The following PIEZO2 variants were observed in gnomAD, a reference collection of about 807,000 sequenced individuals.
PIEZO2 encodes piezo type mechanosensitive ion channel component 2, also known as piezo-type mechanosensitive ion channel component 2.
A neutral mutation model predicts 337.3 loss-of-function variants in PIEZO2; 172 were observed. The ratio of observed to expected loss-of-function variants is 0.51; its 90% CI spans 0.45 to 0.58. The LOEUF is 0.58. Ranked by LOEUF, PIEZO2 falls within the 20% of genes least tolerant of loss-of-function variation. PIEZO2 has a pLI of 0.00. For synonymous variants in PIEZO2, 1,251 were observed against 1,228.5 expected, an observed-to-expected ratio of 1.02 and a Z score of -0.38; for missense variants, 3,028 against 3,391.3, an observed-to-expected ratio of 0.89 and a Z score of 2.66.
In PIEZO2 at chr18:11,067,141, A is replaced by G. The variant is rs566887401; in HGVS notation, c.65-919T>C. On this transcript the variant is annotated intron_variant, in intron 1 of 55. Transcript: ENST00000674853. The stretch of plus-strand genomic sequence containing the variant: ...TGAAGTACAAAACAATCAGAAAATA[A>G]CAAACAAAATGACAGCAGTAAGTCC... Among the ~76,000 whole-genome samples the G allele has an allele frequency of 4.3e-3, 653 of 152,274 alleles. 3 individuals are homozygous for G. Among genetic ancestry groups the G allele is most frequent in the Non-Finnish European group, 6.0e-3 (407 of 68,018 alleles).
At position 10,699,240 on chromosome 18, in the gene PIEZO2, T is replaced by C. The variant is rs1055652509; in HGVS notation, c.6442-63A>G. The C allele has an allele frequency of 2.0e-6, 3 of 1,517,460 alleles. No homozygotes were observed. The African/African-American group carries it at 4.2e-5, about 21-fold the overall frequency. 94.0% of individuals were successfully genotyped at this position (1,517,460 alleles called of 1,614,324 possible). On this transcript the variant is annotated intron_variant, in intron 43 of 55. Coordinates refer to ENST00000674853, the MANE Select transcript of PIEZO2 (RefSeq NM_001378183.1). ...TTCAGGTGGAACCCTTGGTATTCTG[T>C]CTTACAAAATCTCATCCAACAAACT...
In PIEZO2 at chr18:10,750,199, AAG is replaced by A. The variant is rs1421012957; in HGVS notation, c.4168-14_4168-13del. Reference sequence around the variant, plus strand: ...CCACATGCTCCTATCTGAAAAACAAAAGAGGGGGATAATCCTGAAGCTCTGCA... The same window carrying A: ...CCACATGCTCCTATCTGAAAAACAAAAGGGGGATAATCCTGAAGCTCTGCA... On this transcript the variant is annotated splice_polypyrimidine_tract_variant and intron_variant, in intron 28 of 55. Transcript: ENST00000674853. The surrounding 1 kb of genome is among the most constrained non-coding windows in gnomAD (Gnocchi z 4.1). 6.6e-7 allele frequency: 1 copy of A among 1,523,986 alleles called. No individual in the cohort carries two copies. The highest frequency in any genetic ancestry group is 8.8e-7 in the Non-Finnish European group (1 of 1,135,028). The allele number at this position is 1,523,986 out of a possible 1,614,324, so 94.4% of individuals were successfully genotyped here.
chr18:10,762,217 C>T (rs1396689572), intron 23 of PIEZO2, among the ~76,000 whole-genome samples: 1 of 152,112 alleles, frequency 6.6e-6, no homozygotes, highest in African/African-American at 2.4e-5. Context: ...TCTAATGCAC[C>T]CATCGACCTT....
At position 10,714,902 on chromosome 18, in the gene PIEZO2, T is replaced by C; in HGVS notation, c.5285A>G (p.His1762Arg). 6.5e-7 allele frequency: 1 copy of C among 1,537,252 alleles called. No homozygotes were observed. Among genetic ancestry groups the C allele is most frequent in the Non-Finnish European group, 8.7e-7 (1 of 1,146,908 alleles). The change falls in exon 39 of 56, where the codon CAC (histidine) becomes CGC (arginine). Residue 1762 changes from histidine to arginine, a missense_variant. Coordinates refer to ENST00000674853, the MANE Select transcript of PIEZO2 (RefSeq NM_001378183.1). ...CATGATGTGGTTCTGATAGTACATG[T>C]GGATGCTCTCCCGAGTTGGAACATT... ...KGNVPTRESIHMYYQNHIMNL... is the reference protein window; with the variant it reads ...KGNVPTRESIRMYYQNHIMNL...
At chr18:10,905,378 G>A (rs971482396) in intron 4 of PIEZO2, among the ~76,000 whole-genome samples, 2 of 152,082 alleles carry the variant, frequency 1.3e-5, no homozygotes, top group South Asian at 2.1e-4. Context: ...GAGGTCCGGA[G>A]TTTGAGACCA....
At chr18:10,740,905 G>A (rs769393618) in intron 33 of PIEZO2, 126 bp downstream of exon 33, 11 of 1,003,220 alleles carry the variant, frequency 1.1e-5, no homozygotes, top group Admixed American at 6.0e-5. Context: ...CCTACACTCC[G>A]ACCCCCTATC....
At position 11,133,946 on chromosome 18, in the gene PIEZO2, G is replaced by A. The variant is rs9950127; in HGVS notation, c.64+14579C>T. Among the ~76,000 whole-genome samples, 365 of 152,076 alleles carry A rather than the reference G, an allele frequency of 2.4e-3. 2 individuals carry two copies. Among genetic ancestry groups the A allele is most frequent in the African/African-American group, 8.2e-3 (340 of 41,470 alleles). Reference sequence around the variant, plus strand: ...AAGAGAACCTTGACTAATACACTGAGTAACAAAAATAATTCCAGTGTGGTT... The same window carrying A: ...AAGAGAACCTTGACTAATACACTGAATAACAAAAATAATTCCAGTGTGGTT... On this transcript the variant is annotated intron_variant, in intron 1 of 55. Transcript: ENST00000674853.
intron 1 of PIEZO2, among the ~76,000 whole-genome samples, chr18:11,095,023 A>G (rs2039223297): frequency 6.6e-6 from 1 of 152,236 alleles, no homozygotes; most frequent in Non-Finnish European, 1.5e-5. Context: ...AGCCTGCTGC[A>G]GCCCTGTACA....
rs1470854979 is a variant in PIEZO2 at position 10,724,122 on chromosome 18, A to G, written c.5030-5863T>C. Among the ~76,000 whole-genome samples the G allele has an allele frequency of 6.6e-6, 1 of 152,186 alleles. No homozygotes were observed. The highest frequency in any genetic ancestry group is 6.5e-5 in the Admixed American group (1 of 15,286). On this transcript the variant is annotated intron_variant, in intron 36 of 55. Transcript: ENST00000674853. The surrounding 1 kb of genome is among the most constrained non-coding windows in gnomAD (Gnocchi z 5.8). ...GCTGAGCACAGAGATTAGAATCATG[A>G]ATAAGGGGCTCAGTCCTTGCCTTCA...
In PIEZO2 at chr18:11,078,184, A is replaced by G. The variant is rs1170972474; in HGVS notation, c.65-11962T>C. On this transcript the variant is annotated intron_variant, in intron 1 of 55. Transcript: ENST00000674853. The surrounding 1 kb of genome is among the most constrained non-coding windows in gnomAD (Gnocchi z 5.3). ...ATACACACACCACACACACATACAC[A>G]CACACACTTGTATGGGCTTTATGTA... Among the ~76,000 whole-genome samples the G allele has an allele frequency of 6.6e-6, 1 of 152,006 alleles. No individual in the cohort carries two copies. Among genetic ancestry groups the G allele is most frequent in the East Asian group, 1.9e-4 (1 of 5,200 alleles).
At chr18:11,118,135 A>G (rs1439248031) in intron 1 of PIEZO2, among the ~76,000 whole-genome samples, 2 of 152,118 alleles carry the variant, frequency 1.3e-5, no homozygotes, top group South Asian at 2.1e-4. Context: ...TGTTCATTCT[A>G]CTTGTGTAAA....
At position 10,872,058 on chromosome 18, in the gene PIEZO2, C is replaced by T. The variant is rs987528022; in HGVS notation, c.330-643G>A. ...GTTCTGCTGTGCTGAGGAAGTAATA[C>T]TATTTGCCTTCCTTATTTTGTTCAA... On this transcript the variant is annotated intron_variant, in intron 4 of 55. Transcript: ENST00000674853. The surrounding 1 kb of genome is among the most constrained non-coding windows in gnomAD (Gnocchi z 4.3). 1.7e-4 allele frequency among the ~76,000 whole-genome samples: 26 copies of T among 152,170 alleles called. No homozygotes were observed. Among genetic ancestry groups the T allele is most frequent in the Admixed American group, 1.3e-4 (2 of 15,276 alleles).
At chr18:10,797,068 C>G (rs2039628664) in intron 12 of PIEZO2, among the ~76,000 whole-genome samples, 1 of 145,578 alleles carries the variant, frequency 6.9e-6, no homozygotes, top group Non-Finnish European at 1.5e-5. Flanking sequence ...CATGTCATAT[C>G]ATACATACCA....
Position 11,109,987 on chromosome 18 carries a change from C to T in PIEZO2, c.64+38538G>A, listed in dbSNP as rs1296277394. Among the ~76,000 whole-genome samples, 2 of 152,076 alleles carry T rather than the reference C, an allele frequency of 1.3e-5. No individual in the cohort carries two copies. The highest frequency in any genetic ancestry group is 4.8e-5 in the African/African-American group (2 of 41,410). The stretch of plus-strand genomic sequence containing the variant: ...AATTGGGACAAAGGTAACATTTGAC[C>T]ATGTGAGTCTGAAAACATGTTTCTT... On this transcript the variant is annotated intron_variant, in intron 1 of 55. Coordinates refer to ENST00000674853, the MANE Select transcript of PIEZO2 (RefSeq NM_001378183.1). This position sits in a 1 kb window ranked among gnomAD's most constrained non-coding sequence, Gnocchi z 5.1.
chr18:10,736,545 G>A, intron 34 of PIEZO2, 59 bp downstream of exon 34: 1 of 1,532,514 alleles, frequency 6.5e-7, no homozygotes, highest in Non-Finnish European at 8.7e-7. Context: ...CTGCAATGAA[G>A]GTCCGTCAAT....
rs1431552977 is a variant in PIEZO2, at chr18:11,125,926, A to G, written c.64+22599T>C. ...GCTGCCAGGGCAGCTCTAGTGCCCA[A>G]CGGTAGAGGAAGAATGGTGCCTACC... On this transcript the variant is annotated intron_variant, in intron 1 of 55. Coordinates refer to ENST00000674853, the MANE Select transcript of PIEZO2 (RefSeq NM_001378183.1). The surrounding 1 kb of genome is among the most constrained non-coding windows in gnomAD (Gnocchi z 4.4). Among the ~76,000 whole-genome samples the G allele has an allele frequency of 6.6e-6, 1 of 152,232 alleles. No individual in the cohort carries two copies. Among genetic ancestry groups the G allele is most frequent in the Non-Finnish European group, 1.5e-5 (1 of 68,034 alleles).
intron 31 of PIEZO2, 126 bp downstream of exon 31, chr18:10,744,016 G>A (rs1255067980): frequency 9.8e-6 from 6 of 614,014 alleles, no homozygotes; most frequent in African/African-American, 5.6e-5. Flanking sequence ...AAATAAATAG[G>A]AAGTTGTGAA....
chr18:10,737,417 T>C (rs1270625435), intron 33 of PIEZO2, among the ~76,000 whole-genome samples: 1 of 152,180 alleles, frequency 6.6e-6, no homozygotes, highest in African/African-American at 2.4e-5. Flanking sequence ...GCGCTCTGGC[T>C]GCTTCCACGT....
chr18:10,734,141 GA>G (rs2036900178), intron 35 of PIEZO2, among the ~76,000 whole-genome samples: 2 of 152,146 alleles, frequency 1.3e-5, no homozygotes, highest in African/African-American at 4.8e-5. Context: ...AACTAAGATG[GA>G]GGATAATTAC....
Sources: allele counts gnomAD v4.1 joint callset (sites outside exome capture counted in the v4.1 genomes callset), GRCh38; gene constraint gnomAD v4.1.1; non-coding constraint Gnocchi (gnomAD v3.1); transcripts MANE v1.5; gene names NCBI Gene and HGNC (gene_info 2026-07-23, HGNC 2026-07-21).